The following FUT8 variants were observed in gnomAD, a reference collection of about 807,000 sequenced individuals.
The protein encoded by FUT8 is fucosyltransferase 8.
A neutral mutation model predicts 71.3 loss-of-function variants in FUT8; 29 were observed. The observed-to-expected ratio is 0.41, with a 90% CI of 0.30 to 0.55. The LOEUF (loss-of-function observed/expected upper bound fraction) is 0.55, where lower values mean the gene tolerates loss of function less well. Among genes scored for constraint, FUT8 ranks in the 20% least tolerant of loss-of-function variants. The probability of loss-of-function intolerance (pLI) is 0.34; values close to 1 mark genes in which losing one functional copy is unlikely to be tolerated. For synonymous variants in FUT8, 254 were observed against 239.3 expected, an observed-to-expected ratio of 1.06 and a Z score of -0.57; for missense variants, 544 against 702.1, an observed-to-expected ratio of 0.77 and a Z score of 2.55.
At position 65,724,141 on chromosome 14, in the gene FUT8, C is replaced by T. The variant is rs1288332111; in HGVS notation, c.1083-6C>T. 6.4e-7 allele frequency: 1 copy of T among 1,563,682 alleles called. No homozygotes were observed. The highest frequency in any genetic ancestry group is 8.6e-7 in the Non-Finnish European group (1 of 1,157,540). On this transcript the variant is annotated splice_region_variant and splice_polypyrimidine_tract_variant and intron_variant, in intron 8 of 10. Coordinates refer to ENST00000673929, the MANE Select transcript of FUT8 (RefSeq NM_001371533.1). ...ATTACCAGTAGAATCTGAATTTCTC[C>T]CCCAGAGTCCATGTCAGACGCACAG...
chr14:65,598,703 T>C (rs1888135649), intron 3 of FUT8, among the ~76,000 whole-genome samples: 2 of 152,250 alleles, frequency 1.3e-5, no homozygotes, highest in Non-Finnish European at 2.9e-5. Context: ...AGTAGTATAA[T>C]TACTATTCCA....
chr14:65,729,526 CTTTTTTTT>C (rs67348217), intron 9 of FUT8, among the ~76,000 whole-genome samples: 26 of 142,142 alleles, frequency 1.8e-4, no homozygotes, highest in South Asian at 4.5e-4. Context: ...AGGATATAAA[CTTTTTTTT>C]TTTTTTTTTT....
At chr14:65,363,012 A>C in the FUT8 span, among the ~76,000 whole-genome samples, 1 of 11,082 alleles carries the variant, frequency 9.0e-5, no homozygotes, top group Non-Finnish European at 1.5e-4. Context: ...CATAAATGAG[A>C]CTCAAAAAAA....
At position 65,584,376 on chromosome 14, in the gene FUT8, C is replaced by T. The variant is rs374925650; in HGVS notation, c.203+22610C>T. On this transcript the variant is annotated intron_variant, in intron 3 of 10. Transcript: ENST00000673929. ...TGTATTTTTAGTAGAGACGGGGTTT[C>T]GCCATGTTGGCCAGGCTGGTCTCGA... 4.5e-4 allele frequency among the ~76,000 whole-genome samples: 68 copies of T among 152,240 alleles called. No homozygotes were observed. The South Asian group carries it at 8.1e-3, about 18-fold the overall frequency.
chr14:65,583,837 A>C (rs1301585436), intron 3 of FUT8, among the ~76,000 whole-genome samples: 2 of 152,158 alleles, frequency 1.3e-5, no homozygotes, highest in African/African-American at 4.8e-5. Flanking sequence ...GGAAGACAGC[A>C]ATTTATTTCC....
chr14:65,570,781 T>C (rs747355334), intron 3 of FUT8, among the ~76,000 whole-genome samples: 26 of 152,168 alleles, frequency 1.7e-4, no homozygotes, highest in Non-Finnish European at 3.4e-4. Context: ...AAGGACTTTG[T>C]ACTCTATATT....
intron 6 of FUT8, chr14:65,645,889 C>G (rs1430534418): frequency 6.6e-6 from 1 of 152,164 alleles, no homozygotes; most frequent in Non-Finnish European, 1.5e-5. Context: ...TGCACAAAAG[C>G]AACTGTGAAC....
intron 6 of FUT8, among the ~76,000 whole-genome samples, chr14:65,632,729 G>C (rs2140272359): frequency 6.6e-6 from 1 of 152,138 alleles, no homozygotes; most frequent in South Asian, 2.1e-4. Context: ...AATTACCTCT[G>C]AGCTATTTAT....
In FUT8 at chr14:65,704,340, AT is replaced by A. The variant is rs11385453; in HGVS notation, c.836-17424del. On this transcript the variant is annotated intron_variant, in intron 7 of 10. Transcript: ENST00000673929. ...AGGGGAACTTAAGAGTGGAATTGTG[AT>A]TTTTTTTTTTAAATAGGGCAATGGA... is the stretch of plus-strand genomic sequence containing the variant. Among the ~76,000 whole-genome samples the A allele has an allele frequency of 2.0e-5, 3 of 150,070 alleles. 1 individual carries two copies. In the South Asian group the frequency reaches 6.3e-4, roughly 32 times the overall value.
intron 6 of FUT8, among the ~76,000 whole-genome samples, chr14:65,635,109 A>G (rs1389068012): frequency 6.6e-6 from 1 of 151,936 alleles, no homozygotes; most frequent in African/African-American, 2.4e-5. Context: ...GCTTTTATAA[A>G]AGGGGTTGAG....
chr14:65,380,816 C>T, the FUT8 span, among the ~76,000 whole-genome samples: 55 of 152,212 alleles, frequency 3.6e-4, no homozygotes, highest in Non-Finnish European at 6.9e-4. Context: ...GAAAGTGTTT[C>T]GCAGAGAAAG....
rs1166693119 is a variant in FUT8 at position 65,692,792 on chromosome 14, G to T, written c.835+23312G>T. ...AGAGGGTCTCCTCACTTCTCAGAGGGGGCGGCCGGGCAGAGACGCTCCTCA... is the reference window on the plus strand; with the variant it reads ...AGAGGGTCTCCTCACTTCTCAGAGGTGGCGGCCGGGCAGAGACGCTCCTCA... On this transcript the variant is annotated intron_variant, in intron 7 of 10. Transcript: ENST00000673929. Among the ~76,000 whole-genome samples, 5 of 151,412 alleles carry T rather than the reference G, an allele frequency of 3.3e-5. No homozygotes were observed. The East Asian group carries it at 5.9e-4, about 18-fold the overall frequency.
chr14:65,547,209 T>C (rs886208119), intron 2 of FUT8, among the ~76,000 whole-genome samples: 7 of 151,592 alleles, frequency 4.6e-5, no homozygotes, highest in Non-Finnish European at 7.4e-5. Context: ...TTTGTTTTCA[T>C]TGATTTTTCT....
chr14:65,606,002 A>G lies in FUT8; in HGVS notation c.204-9976A>G, dbSNP rs1888565106. ...AAAATCTATATAATAATCCTACATT[A>G]ATTATATATTTTCCATTCTCTTCTC... On this transcript the variant is annotated intron_variant, in intron 3 of 10. Coordinates refer to ENST00000673929, the MANE Select transcript of FUT8 (RefSeq NM_001371533.1). Among the ~76,000 whole-genome samples the G allele has an allele frequency of 2.6e-5, 4 of 151,470 alleles. 1 individual carries two copies. In the South Asian group the frequency reaches 8.4e-4, roughly 32 times the overall value.
chr14:65,538,887 C>T (rs571407959), intron 2 of FUT8, among the ~76,000 whole-genome samples: 3 of 152,262 alleles, frequency 2.0e-5, no homozygotes, highest in South Asian at 2.1e-4. Flanking sequence ...CGCCATTGCA[C>T]TCCAGCTTGG....
intron 3 of FUT8, among the ~76,000 whole-genome samples, chr14:65,589,568 C>A (rs1017147763): frequency 1.3e-5 from 2 of 151,824 alleles, no homozygotes; most frequent in South Asian, 2.1e-4. Context: ...CTCAGCCTCC[C>A]GAGTAGCTGG....
Position 65,549,340 on chromosome 14 carries a change from ATGT to A in FUT8, c.-227-11993_-227-11991del, listed in dbSNP as rs1236286050. Among the ~76,000 whole-genome samples the A allele has an allele frequency of 5.9e-5, 9 of 151,678 alleles. No homozygotes were observed. In the East Asian group the frequency reaches 1.2e-3, roughly 20 times the overall value. On this transcript the variant is annotated intron_variant, in intron 2 of 10. Coordinates refer to ENST00000673929, the MANE Select transcript of FUT8 (RefSeq NM_001371533.1). ...TTTTTTTTTTTAGCATTTTAAAAAGATGTTGTCCCATTGTCTTACTAGATTGTA... is the reference window on the plus strand; with the variant it reads ...TTTTTTTTTTTAGCATTTTAAAAAGATGTCCCATTGTCTTACTAGATTGTA...
chr14:65,426,289 G>GT (rs1220230498), intron 1 of FUT8, among the ~76,000 whole-genome samples: 1 of 150,264 alleles, frequency 6.7e-6, no homozygotes, highest in African/African-American at 2.4e-5. Context: ...GCAGATAACA[G>GT]TGTAAAGGGG....
intron 3 of FUT8, among the ~76,000 whole-genome samples, chr14:65,611,301 A>ACCCCCC (rs145798842): frequency 2.6e-5 from 1 of 38,592 alleles, no homozygotes; most frequent in African/African-American, 1.4e-4. Flanking sequence ...ACACACACAC[A>ACCCCCC]CCCCCCAAGT....
Sources: allele counts gnomAD v4.1 joint callset (sites outside exome capture counted in the v4.1 genomes callset), GRCh38; gene constraint gnomAD v4.1.1; transcripts MANE v1.5; gene names NCBI Gene and HGNC (gene_info 2026-07-23, HGNC 2026-07-21).